KSR2: variants seen among roughly 807,000 people sequenced by gnomAD.
The protein encoded by KSR2 is kinase suppressor of ras 2.
KSR2 carries 25 observed loss-of-function variants against 107.8 expected under a neutral mutation model. The ratio of observed to expected loss-of-function variants is 0.23; its 90% confidence interval spans 0.17 to 0.32. The LOEUF (loss-of-function observed/expected upper bound fraction) is 0.32, where lower values mean the gene tolerates loss of function less well. Among genes scored for constraint, KSR2 ranks in the 10% least tolerant of loss-of-function variants. The probability of loss-of-function intolerance (pLI) is 1.00; values close to 1 mark genes in which losing one functional copy is unlikely to be tolerated. For synonymous variants in KSR2, 480 were observed against 507.0 expected (o/e 0.95, Z 0.71); for missense variants, 887 against 1,268.9 (o/e 0.70, Z 4.57).
chr12:117,881,518 T>G (rs1340241707), intron 1 of KSR2, among the ~76,000 whole-genome samples: 2 of 152,248 alleles, frequency 1.3e-5, no homozygotes, highest in Non-Finnish European at 2.9e-5. Context: ...GCTGTGTCAT[T>G]TCTCCCAAGA....
intron 7 of KSR2, among the ~76,000 whole-genome samples, chr12:117,567,225 C>T (rs999067019): frequency 9.9e-5 from 15 of 152,034 alleles, no homozygotes; most frequent in African/African-American, 2.9e-4. Flanking sequence ...GAAGGCTTCC[C>T]GGAGGGAAGT....
chr12:117,624,117 G>A (rs997225161), intron 5 of KSR2, among the ~76,000 whole-genome samples: 3 of 152,132 alleles, frequency 2.0e-5, no homozygotes, highest in Non-Finnish European at 4.4e-5. Flanking sequence ...TGTAGATTCT[G>A]GATATTAGCC....
At chr12:117,878,711 G>T (rs1023035151) in intron 1 of KSR2, among the ~76,000 whole-genome samples, 1 of 152,138 alleles carries the variant, frequency 6.6e-6, no homozygotes, top group African/African-American at 2.4e-5. Context: ...TCCCAGACTC[G>T]AGGTAAGAGC....
rs927566014 is a variant in KSR2, at chr12:117,672,785, C to T, written c.987-5127G>A. 3.9e-5 allele frequency among the ~76,000 whole-genome samples: 6 copies of T among 152,116 alleles called. No individual in the cohort carries two copies. The South Asian group carries it at 1.0e-3, about 26-fold the overall frequency. On this transcript the variant is annotated intron_variant, in intron 4 of 19. Transcript: ENST00000339824. ...GACTATGGGCGTGTGCCACCATGCC[C>T]GGCTAATTTTTGTGTTTTTAATAGA...
intron 3 of KSR2, among the ~76,000 whole-genome samples, chr12:117,850,214 G>T (rs1248768247): frequency 6.6e-6 from 1 of 152,150 alleles, no homozygotes; most frequent in Non-Finnish European, 1.5e-5. Flanking sequence ...AGGTAGGGAG[G>T]GGCTCAGCGG....
intron 5 of KSR2, among the ~76,000 whole-genome samples, chr12:117,584,696 G>A (rs1879886596): frequency 6.6e-6 from 1 of 152,158 alleles, no homozygotes; most frequent in Non-Finnish European, 1.5e-5. Flanking sequence ...CTGAAGCAAA[G>A]TACTTAATAC....
intron 5 of KSR2, among the ~76,000 whole-genome samples, chr12:117,622,819 C>A (rs1565930480): frequency 6.6e-6 from 1 of 152,212 alleles, no homozygotes; most frequent in Non-Finnish European, 1.5e-5. Flanking sequence ...ATTTCTTGAA[C>A]CTCTTTTATG....
intron 7 of KSR2, among the ~76,000 whole-genome samples, chr12:117,576,570 T>C (rs1239449490): frequency 6.6e-6 from 1 of 152,134 alleles, no homozygotes; most frequent in African/African-American, 2.4e-5. Context: ...CAATCACAGC[T>C]CATTGCAACC....
chr12:117,771,952 T>C (rs1889470443), intron 3 of KSR2, among the ~76,000 whole-genome samples: 1 of 140,138 alleles, frequency 7.1e-6, no homozygotes, highest in Non-Finnish European at 1.5e-5. Flanking sequence ...TACACACCAT[T>C]CCATCAAAGA....
intron 1 of KSR2, among the ~76,000 whole-genome samples, chr12:117,898,982 T>A (rs1894599323): frequency 6.6e-6 from 1 of 152,226 alleles, no homozygotes; most frequent in East Asian, 1.9e-4. Context: ...AAGTTTCTTC[T>A]TTCTCTTTAG....
In KSR2 at chr12:117,739,308, G is replaced by T. The variant is rs193229058; in HGVS notation, c.986+21703C>A. 9.8e-4 allele frequency among the ~76,000 whole-genome samples: 149 copies of T among 151,336 alleles called. 3 individuals are homozygous for T. In the East Asian group the frequency reaches 0.025, roughly 26 times the overall value. ...AGGAGGAGCTTGCAGTGAGCCGAGA[G>T]CGCGCCACTGCACTCCAGCCTGGGC... is the stretch of plus-strand genomic sequence containing the variant. On this transcript the variant is annotated intron_variant, in intron 4 of 19. Transcript: ENST00000339824.
chr12:117,484,696 G>T, intron 15 of KSR2, 147 bp from the exon 16 acceptor site: 2 of 749,698 alleles, frequency 2.7e-6, no homozygotes, highest in Non-Finnish European at 4.2e-6. Context: ...TCTGACCGTG[G>T]GTCCTGGGGG....
chr12:117,693,576 T>C (rs1179122398), intron 4 of KSR2, among the ~76,000 whole-genome samples: 1 of 152,250 alleles, frequency 6.6e-6, no homozygotes, highest in Non-Finnish European at 1.5e-5. Context: ...ACAATAGTCA[T>C]GTCTGTGAAT....
intron 5 of KSR2, among the ~76,000 whole-genome samples, chr12:117,652,823 T>C (rs761501533): frequency 6.6e-6 from 1 of 152,150 alleles, no homozygotes; most frequent in Non-Finnish European, 1.5e-5. Context: ...TAATGGAGTT[T>C]TAGCTCAGGT....
chr12:117,776,217 A>G (rs1045144628), intron 3 of KSR2, among the ~76,000 whole-genome samples: 1 of 152,172 alleles, frequency 6.6e-6, no homozygotes, highest in Non-Finnish European at 1.5e-5. Flanking sequence ...AATATTTAGC[A>G]TTTTAATTGT....
chr12:117,506,857 G>A (rs181363851), intron 14 of KSR2, among the ~76,000 whole-genome samples: 168 of 152,030 alleles, frequency 1.1e-3, no homozygotes, highest in Non-Finnish European at 2.0e-3. Flanking sequence ...GTGTGTGTGT[G>A]TATATATATG....
At chr12:117,723,195 G>A (rs760768635) in intron 4 of KSR2, among the ~76,000 whole-genome samples, 2 of 152,162 alleles carry the variant, frequency 1.3e-5, no homozygotes, top group Non-Finnish European at 2.9e-5. Flanking sequence ...ACACCAGGGA[G>A]ACCTTCTCTG....
chr12:117,919,013 A>G (rs947986747), intron 1 of KSR2, among the ~76,000 whole-genome samples: 9 of 151,762 alleles, frequency 5.9e-5, no homozygotes, highest in African/African-American at 2.2e-4. Flanking sequence ...TGCACGCTGT[A>G]GTAGTCCCAG....
chr12:117,924,393 C>A (rs1395283657), intron 1 of KSR2, among the ~76,000 whole-genome samples: 2 of 148,530 alleles, frequency 1.3e-5, no homozygotes, highest in African/African-American at 4.9e-5. Flanking sequence ...TGGTGAAACC[C>A]CGTCTCTACT....
Sources: allele counts gnomAD v4.1 joint callset (sites outside exome capture counted in the v4.1 genomes callset), GRCh38; gene constraint gnomAD v4.1.1; transcripts MANE v1.5; gene names NCBI Gene and HGNC (gene_info 2026-07-23, HGNC 2026-07-21).